The following CUL4B variants were observed in gnomAD, a reference collection of about 807,000 sequenced individuals.
CUL4B encodes the protein cullin-4B.
Under a neutral mutation model 69.2 loss-of-function variants are expected in CUL4B, and 1 was observed. The observed-to-expected ratio is 0.01, with a 90% confidence interval of 0.01 to 0.07. The LOEUF is 0.07. Among genes scored for constraint, CUL4B ranks in the 10% least tolerant of loss-of-function variants. CUL4B has a pLI of 1.00. For synonymous variants in CUL4B, 237 were observed against 223.2 expected (o/e 1.06, Z -0.55); for missense variants, 328 against 638.8 (o/e 0.51, Z 5.24).
chrX:120,534,297 C>A (rs1923516056), intron 17 of CUL4B, among the ~76,000 whole-genome samples, 184 bp downstream of exon 17: 1 of 104,834 alleles, frequency 9.5e-6, no homozygotes, highest in Non-Finnish European at 2.0e-5. Flanking sequence ...TCACTTGAGC[C>A]TGAGCCATGA....
chrX:120,534,400 G>T, intron 17 of CUL4B, 81 bp downstream of exon 17: 1 of 692,386 alleles, frequency 1.4e-6, no homozygotes. Flanking sequence ...CTGAGGCAAG[G>T]AATTATTCCT....
intron 12 of CUL4B, among the ~76,000 whole-genome samples, chrX:120,539,000 T>G (rs959504366): frequency 8.9e-6 from 1 of 112,010 alleles, no homozygotes; most frequent in Non-Finnish European, 1.9e-5. Flanking sequence ...CATTAACTTT[T>G]CTTCAGAAAA....
intron 3 of CUL4B, 46 bp downstream of exon 3, chrX:120,547,090 A>G: frequency 1.1e-6 from 1 of 881,546 alleles, no homozygotes; most frequent in Non-Finnish European, 1.7e-6. Flanking sequence ...GTAGGGACAG[A>G]GAGGAAGACA....
chrX:120,538,087 C>A, intron 14 of CUL4B, 37 bp downstream of exon 14: 1 of 943,609 alleles, frequency 1.1e-6, no homozygotes, highest in Non-Finnish European at 1.5e-6. Context: ...CTAAATACAA[C>A]TAAGTTTGAG....
Position 120,524,529 on chromosome X carries a change from TAGA to T in CUL4B, c.*2229_*2231del. The T allele has an allele frequency of 8.9e-6, 1 of 112,221 alleles. No homozygotes were observed. Among genetic ancestry groups the T allele is most frequent in the Middle Eastern group, 4.6e-3 (1 of 219 alleles). 9.2% of individuals were successfully genotyped at this position (112,221 alleles called of 1,213,427 possible). ...ACAAAATCAACAAATGTGAGTTCAT[TAGA>T]AGTTGTTAGGAAGATTTTAAGTCCT... is the stretch of plus-strand genomic sequence containing the variant. On this transcript the variant is annotated 3_prime_UTR_variant, in exon 20 of 20. Transcript: ENST00000371322.
At chrX:120,533,834 G>A (rs112174090) in intron 17 of CUL4B, among the ~76,000 whole-genome samples, 15 of 111,503 alleles carry the variant, frequency 1.3e-4, no homozygotes, top group African/African-American at 2.0e-4. Flanking sequence ...TTGGTAGGCC[G>A]AGGCAGGCGG....
upstream of CUL4B, among the ~76,000 whole-genome samples, chrX:120,563,370 G>A (rs1461793183): frequency 1.8e-5 from 2 of 111,739 alleles, no homozygotes; most frequent in Non-Finnish European, 3.8e-5. Flanking sequence ...GAGTACCTGG[G>A]ACTACAGGCA....
In CUL4B at chrX:120,544,190, G is replaced by T; in HGVS notation, c.1097C>A (p.Ser366Tyr). ...TTCTTCCAAAAATCGTTGTTCAAAA[G>T]AATCTTGATAAATCTGGAGGGGGAA... Reference protein sequence around the residue: ...MLSDLQIYQDSFEQRFLEETN... With the variant: ...MLSDLQIYQDYFEQRFLEETN... The change falls in exon 7 of 20, where the codon TCT becomes TAT. Residue 366 changes from serine (S) to tyrosine (Y), a missense_variant. Coordinates refer to ENST00000371322, the MANE Select transcript of CUL4B (RefSeq NM_001079872.2). 1 of 1,195,216 alleles carries T rather than the reference G, an allele frequency of 8.4e-7. No homozygotes were observed. The highest frequency in any genetic ancestry group is 1.8e-5 in the South Asian group (1 of 56,510).
chrX:120,529,454 G>A (rs762272681), intron 19 of CUL4B, among the ~76,000 whole-genome samples: 26 of 111,677 alleles, frequency 2.3e-4, no homozygotes, highest in African/African-American at 8.5e-4. Flanking sequence ...AACCCTAATA[G>A]CTAGCAGTCT....
chrX:120,529,699 G>C (rs1252890284), intron 19 of CUL4B, among the ~76,000 whole-genome samples: 1 of 111,154 alleles, frequency 9.0e-6, no homozygotes, highest in African/African-American at 3.3e-5. Context: ...TCTTATATAA[G>C]CTAACTAAAC....
At chrX:120,543,994 C>G in intron 7 of CUL4B, 120 bp downstream of exon 7, 1 of 581,661 alleles carries the variant, frequency 1.7e-6, no homozygotes. Context: ...AAAGGAGCAC[C>G]TAAGTGAGAG....
At chrX:120,556,255 G>A (rs1189150519) in intron 2 of CUL4B, among the ~76,000 whole-genome samples, 1 of 111,707 alleles carries the variant, frequency 9.0e-6, no homozygotes, top group Non-Finnish European at 1.9e-5. Context: ...GCATTATAAT[G>A]CTTATAATGT....
chrX:120,564,303 A>AAAAC (rs898417665), upstream of CUL4B, among the ~76,000 whole-genome samples: 3 of 111,445 alleles, frequency 2.7e-5, no homozygotes. Flanking sequence ...CTTGTTACAA[A>AAAAC]AAACAAACAA....
Position 120,546,587 on chromosome X carries a change from T to C in CUL4B, c.806A>G (p.Lys269Arg). Residue 269 changes from lysine to arginine, a missense_variant, in exon 4 of 20, where the codon AAG becomes AGG. Transcript: ENST00000371322. The stretch of plus-strand genomic sequence containing the variant: ...GTTTTGCCAGCATCTATCAATCTTC[T>C]TTAAAAAAAGAACGCTATCCAATGA... ...EDSLDSVLFL[K>R]KIDRCWQNHC... The C allele has an allele frequency of 1.7e-6, 2 of 1,203,289 alleles. No homozygotes were observed. Among genetic ancestry groups the C allele is most frequent in the East Asian group, 5.9e-5 (2 of 33,748 alleles).
intron 8 of CUL4B, 67 bp from the exon 9 acceptor site, chrX:120,543,100 T>C (rs1924098553): frequency 1.5e-6 from 1 of 685,159 alleles, no homozygotes; most frequent in Non-Finnish European, 2.3e-6. Flanking sequence ...AAGCCTCTCC[T>C]GAGGGGGGAA....
At chrX:120,527,170 C>G (rs1923025409) in intron 19 of CUL4B, among the ~76,000 whole-genome samples, 1 of 108,539 alleles carries the variant, frequency 9.2e-6, no homozygotes, top group Non-Finnish European at 1.9e-5. Context: ...AGTGATTCTT[C>G]TGCCTCAGCT....
chrX:120,544,007 G>A, intron 7 of CUL4B, 107 bp downstream of exon 7: 1 of 597,554 alleles, frequency 1.7e-6, no homozygotes, highest in Admixed American at 2.6e-5. Flanking sequence ...AGTGAGAGAA[G>A]AGCATCACAA....
chrX:120,535,704 CAA>C (rs71820203), intron 16 of CUL4B, 124 bp downstream of exon 16: 5,769 of 169,611 alleles, frequency 0.034, 1 homozygote, highest in East Asian at 0.053. Context: ...GACTCTGTCT[CAA>C]AAAAAAAAAA....
chrX:120,554,753 A>G, intron 2 of CUL4B, among the ~76,000 whole-genome samples: 1 of 112,156 alleles, frequency 8.9e-6, no homozygotes, highest in Non-Finnish European at 1.9e-5. Flanking sequence ...CTTTTGTATA[A>G]CTACATATTT....
Sources: gnomAD v4.1 joint callset for allele counts (sites outside exome capture counted in the v4.1 genomes callset) on GRCh38, gnomAD v4.1.1 for gene constraint, MANE v1.5 for transcripts, NCBI Gene and HGNC (gene_info 2026-07-23, HGNC 2026-07-21) for gene names.